The following SFMBT1 variants were observed in gnomAD, a reference collection of about 807,000 sequenced individuals.
SFMBT1 encodes scm-like with four MBT domains protein 1.
Under a neutral mutation model 108.7 loss-of-function variants are expected in SFMBT1, and 32 were observed. The observed-to-expected ratio is 0.29, with a 90% confidence interval of 0.22 to 0.40. SFMBT1 has a LOEUF of 0.40. Among genes scored for constraint, SFMBT1 ranks in the 10% least tolerant of loss-of-function variants. SFMBT1 has a pLI of 1.00. For missense variants in SFMBT1, 816 were observed against 1,059.6 expected, an observed-to-expected ratio of 0.77 and a Z score of 3.19; for synonymous variants, 348 against 369.5, an observed-to-expected ratio of 0.94 and a Z score of 0.67.
chr3:53,015,213 A>C lies in SFMBT1; in HGVS notation c.-131+30603T>G, dbSNP rs542718014. ...GACAGGTGAGAGAGACCCTGTCCCAAGGAAAAAAAAAAAAAATCATTGTAT... is the reference window on the plus strand; with the variant it reads ...GACAGGTGAGAGAGACCCTGTCCCACGGAAAAAAAAAAAAAATCATTGTAT... On this transcript the variant is annotated intron_variant, in intron 1 of 20. Coordinates refer to ENST00000394752, the MANE Select transcript of SFMBT1 (RefSeq NM_016329.4). Among the ~76,000 whole-genome samples, 5 of 151,660 alleles carry C rather than the reference A, an allele frequency of 3.3e-5. No individual in the cohort carries two copies. In the East Asian group the frequency reaches 9.8e-4, roughly 30 times the overall value.
chr3:53,034,490 A>G (rs1310893787), intron 1 of SFMBT1, among the ~76,000 whole-genome samples: 2 of 152,058 alleles, frequency 1.3e-5, no homozygotes, highest in African/African-American at 2.4e-5. Context: ...CTGAGGCAGG[A>G]GAATCACTTG....
Position 52,996,206 on chromosome 3 carries a change from CTTTTTTTTTTTTTT to C in SFMBT1, c.-130-26962_-130-26949del, listed in dbSNP as rs35167235. On this transcript the variant is annotated intron_variant, in intron 1 of 20. Coordinates refer to ENST00000394752, the MANE Select transcript of SFMBT1 (RefSeq NM_016329.4). ...AAAAAGCTCTTAAAAATAAACAATC[CTTTTTTTTTTTTTT>C]TTTTTTTTTGAGACAGGGTCTCCCT... Among the ~76,000 whole-genome samples the C allele has an allele frequency of 2.3e-5, 2 of 88,128 alleles. 1 individual carries two copies. Among genetic ancestry groups the C allele is most frequent in the Middle Eastern group, 0.015 (2 of 130 alleles). 57.8% of individuals were successfully genotyped at this position (88,128 alleles called of 152,430 possible).
chr3:52,989,025 T>G (rs865853292), intron 1 of SFMBT1, among the ~76,000 whole-genome samples: 6 of 152,178 alleles, frequency 3.9e-5, no homozygotes, highest in Non-Finnish European at 7.4e-5. Flanking sequence ...TATCTAATGT[T>G]AAATATATAG....
At chr3:52,945,826 A>G (rs927371150) in intron 3 of SFMBT1, among the ~76,000 whole-genome samples, 8 of 149,836 alleles carry the variant, frequency 5.3e-5, no homozygotes, top group African/African-American at 1.7e-4. Context: ...AAAAAAAAAG[A>G]AAAAAAGAGA....
chr3:52,920,756 A>G (rs1702501023), intron 11 of SFMBT1, 106 bp from the exon 12 acceptor site: 1 of 652,864 alleles, frequency 1.5e-6, no homozygotes, highest in South Asian at 2.0e-5. Context: ...TACTCTTATA[A>G]TAATGCAGAC....
Position 52,923,908 on chromosome 3 carries a change from T to A in SFMBT1, c.1132-2077A>T, listed in dbSNP as rs374112661. Among the ~76,000 whole-genome samples, 4 of 150,736 alleles carry A rather than the reference T, an allele frequency of 2.7e-5. No individual in the cohort carries two copies. The East Asian group carries it at 7.7e-4, about 29-fold the overall frequency. ...CCCACTGAGAACCTAGCACAGCGGA[T>A]GAAAACAGGCTCGCATCAAGGTTCA... On this transcript the variant is annotated intron_variant, in intron 10 of 20. Coordinates refer to ENST00000394752, the MANE Select transcript of SFMBT1 (RefSeq NM_016329.4).
chr3:52,927,342 T>C (rs1253943744), intron 9 of SFMBT1, among the ~76,000 whole-genome samples: 2 of 152,234 alleles, frequency 1.3e-5, no homozygotes, highest in Non-Finnish European at 2.9e-5. Flanking sequence ...CATGAATGTT[T>C]GTTGAATGAA....
chr3:53,016,142 A>G (rs1426227903), intron 1 of SFMBT1, among the ~76,000 whole-genome samples: 1 of 151,616 alleles, frequency 6.6e-6, no homozygotes, highest in Non-Finnish European at 1.5e-5. Flanking sequence ...TCATTAATAA[A>G]TTAAAGGACA....
chr3:52,920,641 T>C lies in SFMBT1; in HGVS notation c.1268A>G (p.Lys423Arg). 6.2e-7 allele frequency: 1 copy of C among 1,600,818 alleles called. No individual in the cohort carries two copies. Among genetic ancestry groups the C allele is most frequent in the Non-Finnish European group, 8.5e-7 (1 of 1,170,106 alleles). Reference sequence around the variant, plus strand: ...ACTCACAATACATTCAGGTATAGGCTTCTTAGAACCTGTTTAGATTTAAAC... The same window carrying C: ...ACTCACAATACATTCAGGTATAGGCCTCTTAGAACCTGTTTAGATTTAAAC... ...YLWLQLEGSK[K>R]PIPECIVSVE... is the part of the protein sequence containing the mutation. Residue 423 changes from lysine (K) to arginine (R), a missense_variant, in exon 12 of 21, where the codon AAG becomes AGG. By Grantham distance (26) the Lys-to-Arg change is conservative. Transcript: ENST00000394752.
At chr3:52,989,909 T>C (rs1705062272) in intron 1 of SFMBT1, among the ~76,000 whole-genome samples, 1 of 152,280 alleles carries the variant, frequency 6.6e-6, no homozygotes, top group East Asian at 1.9e-4. Flanking sequence ...CCGACAAGAA[T>C]TTAAAACTTC....
intron 19 of SFMBT1, 85 bp from the exon 20 acceptor site, chr3:52,906,326 T>A: frequency 6.3e-7 from 1 of 1,598,272 alleles, no homozygotes; most frequent in Non-Finnish European, 8.6e-7. Flanking sequence ...TTCATAATCT[T>A]TCAAGACATG....
At chr3:52,909,259 C>T (rs1702157655) in intron 17 of SFMBT1, among the ~76,000 whole-genome samples, 1 of 152,186 alleles carries the variant, frequency 6.6e-6, no homozygotes, top group South Asian at 2.1e-4. Flanking sequence ...ATCTTCCCCT[C>T]ACATATCTTC....
At chr3:52,916,442 G>T (rs1240514122) in intron 13 of SFMBT1, among the ~76,000 whole-genome samples, 1 of 151,024 alleles carries the variant, frequency 6.6e-6, no homozygotes, top group Non-Finnish European at 1.5e-5. Flanking sequence ...GGCTGACGTG[G>T]GCGGGTCACA....
intron 4 of SFMBT1, among the ~76,000 whole-genome samples, chr3:52,938,340 C>A (rs1048662004): frequency 6.6e-6 from 1 of 152,030 alleles, no homozygotes; most frequent in Non-Finnish European, 1.5e-5. Flanking sequence ...TTATATACTT[C>A]GTGTATATGT....
At chr3:53,017,477 C>A (rs1240447939) in intron 1 of SFMBT1, among the ~76,000 whole-genome samples, 1 of 152,180 alleles carries the variant, frequency 6.6e-6, no homozygotes, top group African/African-American at 2.4e-5. Flanking sequence ...AAAATCCCTA[C>A]CCTCTTGGGG....
chr3:52,999,296 C>A (rs1027741394), intron 1 of SFMBT1, among the ~76,000 whole-genome samples: 3 of 150,388 alleles, frequency 2.0e-5, no homozygotes, highest in Non-Finnish European at 3.0e-5. Context: ...GGAGGCCAAG[C>A]ACAGCCGTGG....
intron 3 of SFMBT1, 76 bp from the exon 4 acceptor site, chr3:52,943,669 G>A: frequency 1.9e-6 from 3 of 1,583,092 alleles, no homozygotes; most frequent in Non-Finnish European, 2.6e-6. Flanking sequence ...TCTTTTTTAA[G>A]ACTTACAATT....
rs572760320 is a variant in SFMBT1, at chr3:53,000,151, C to T, written c.-130-30893G>A. The stretch of plus-strand genomic sequence containing the variant: ...TGCTGGGATTACAGGCGTGAGCCAC[C>T]GCACCCAGCCTACTCTTACATTTTT... On this transcript the variant is annotated intron_variant, in intron 1 of 20. Transcript: ENST00000394752. Among the ~76,000 whole-genome samples, 87 of 150,114 alleles carry T rather than the reference C, an allele frequency of 5.8e-4. 8 individuals are homozygous for T. Among genetic ancestry groups the T allele is most frequent in the South Asian group, 4.0e-3 (19 of 4,728 alleles).
chr3:53,035,899 G>GT (rs1409630930), intron 1 of SFMBT1, among the ~76,000 whole-genome samples: 1 of 152,166 alleles, frequency 6.6e-6, no homozygotes, highest in Non-Finnish European at 1.5e-5. Flanking sequence ...GGCCAGAGAC[G>GT]TAAGTAAATT....
Sources: allele counts gnomAD v4.1 joint callset (sites outside exome capture counted in the v4.1 genomes callset), GRCh38; gene constraint gnomAD v4.1.1; transcripts MANE v1.5; gene names NCBI Gene and HGNC (gene_info 2026-07-23, HGNC 2026-07-21).